FOCAD: variants seen among roughly 807,000 people sequenced by gnomAD.
The protein encoded by FOCAD is KIAA1797.
A neutral mutation model predicts 225.6 loss-of-function variants in FOCAD; 198 were observed. That is an observed-to-expected ratio of 0.88 (90% CI 0.78 to 0.99). The LOEUF is 0.99. Ranked by LOEUF, FOCAD falls within the 50% of genes least tolerant of loss-of-function variation. The pLI, the probability that FOCAD is intolerant of heterozygous loss-of-function variation, is 0.00. For missense variants in FOCAD, 2,713 were observed against 2,123.6 expected, an observed-to-expected ratio of 1.28 and a Z score of -5.46; for synonymous variants, 897 against 755.0, an observed-to-expected ratio of 1.19 and a Z score of -3.08.
At chr9:20,682,839 C>T (rs372541626), upstream of FOCAD, among the ~76,000 whole-genome samples, 12 of 152,266 alleles carry the variant, frequency 7.9e-5, no homozygotes, top group African/African-American at 2.6e-4. Flanking sequence ...GGCGCCACCT[C>T]GGCTCACTGC....
chr9:20,935,315 C>A (rs1835847061), intron 28 of FOCAD, among the ~76,000 whole-genome samples: 3 of 152,124 alleles, frequency 2.0e-5, no homozygotes, highest in African/African-American at 7.2e-5. Flanking sequence ...ATTACTAAGA[C>A]CTTAGTTTTG....
chr9:20,969,676 G>A (rs769804649), intron 35 of FOCAD, among the ~76,000 whole-genome samples: 1 of 128,940 alleles, frequency 7.8e-6, no homozygotes, highest in African/African-American at 3.0e-5. Flanking sequence ...TACATAGTAA[G>A]TGAAAAGGGG....
intron 35 of FOCAD, among the ~76,000 whole-genome samples, chr9:20,957,256 A>C (rs5023810): frequency 0.95 from 144,390 of 151,880 alleles, 69,092 homozygotes; most frequent in East Asian, 1. Flanking sequence ...TAGAGATGGA[A>C]ACAATGTTGC....
chr9:20,694,115 A>G (rs1563882466), intron 1 of FOCAD, among the ~76,000 whole-genome samples: 1 of 152,178 alleles, frequency 6.6e-6, no homozygotes, highest in Non-Finnish European at 1.5e-5. Context: ...AACTATATGC[A>G]ATACCTTTCT....
At chr9:20,680,113 C>A (rs1317025507), upstream of FOCAD, among the ~76,000 whole-genome samples, 1 of 152,196 alleles carries the variant, frequency 6.6e-6, no homozygotes, top group African/African-American at 2.4e-5. Context: ...AGGCTCCATT[C>A]TTTGCTTTCA....
chr9:20,885,859 A>G (rs892207490), intron 21 of FOCAD, among the ~76,000 whole-genome samples: 8 of 152,320 alleles, frequency 5.3e-5, no homozygotes, highest in Non-Finnish European at 1.2e-4. Context: ...ATTAAAATGT[A>G]TGAATGAATA....
At chr9:20,700,732 C>T (rs746790215) in intron 1 of FOCAD, among the ~76,000 whole-genome samples, 1 of 152,160 alleles carries the variant, frequency 6.6e-6, no homozygotes, top group Non-Finnish European at 1.5e-5. Context: ...ATATAGATTC[C>T]TCTCTATTTC....
intron 1 of FOCAD, among the ~76,000 whole-genome samples, chr9:20,703,429 G>C (rs545775567): frequency 5.3e-5 from 8 of 152,210 alleles, no homozygotes; most frequent in South Asian, 2.1e-4. Context: ...CCTTCCTATA[G>C]AGTTGCAGTG....
intron 11 of FOCAD, among the ~76,000 whole-genome samples, chr9:20,817,365 AC>A (rs1370725157): frequency 6.6e-6 from 1 of 151,892 alleles, no homozygotes; most frequent in Non-Finnish European, 1.5e-5. Context: ...TGCCTGTTTC[AC>A]CCTTCCTGAC....
intron 11 of FOCAD, among the ~76,000 whole-genome samples, chr9:20,801,541 T>C (rs1217045936): frequency 1.3e-5 from 2 of 152,306 alleles, no homozygotes; most frequent in Admixed American, 6.5e-5. Flanking sequence ...GCACTCATAA[T>C]GCATAGGGAA....
intron 35 of FOCAD, chr9:20,957,644 A>T (rs1404799708): frequency 7.7e-6 from 1 of 129,606 alleles, no homozygotes; most frequent in East Asian, 2.4e-4. Context: ...CCAAAGATAG[A>T]TAGATAGATA....
At chr9:20,906,163 A>G (rs944961210) in intron 21 of FOCAD, among the ~76,000 whole-genome samples, 4 of 152,106 alleles carry the variant, frequency 2.6e-5, no homozygotes, top group Non-Finnish European at 5.9e-5. Flanking sequence ...AACATACTAG[A>G]GGCCATGGGA....
chr9:20,853,688 A>G (rs974478371), intron 15 of FOCAD, among the ~76,000 whole-genome samples: 1 of 151,730 alleles, frequency 6.6e-6, no homozygotes, highest in Non-Finnish European at 1.5e-5. Context: ...TGTCATTTAG[A>G]TTATAAGTGA....
At position 20,716,070 on chromosome 9, in the gene FOCAD, T is replaced by C. The variant is rs112915556; in HGVS notation, c.57+660T>C. 1,798 of 443,344 alleles carry C rather than the reference T, an allele frequency of 4.1e-3. 17 individuals are homozygous for C. The highest frequency in any genetic ancestry group is 7.6e-3 in the Admixed American group (389 of 50,996). The allele number at this position is 443,344 out of a possible 1,614,324, so 27.5% of individuals were successfully genotyped here. A position where few individuals can be genotyped will look rare whatever the true frequency, so the allele number is the denominator to read the frequency against. On this transcript the variant is annotated intron_variant, in intron 2 of 43. Coordinates refer to ENST00000338382, the MANE Select transcript of FOCAD (RefSeq NM_001375567.1). ...ACAACATACAGCACCTTGGATACTT[T>C]CAACAATTAACTTCGGAGATGTCTG...
intron 18 of FOCAD, among the ~76,000 whole-genome samples, chr9:20,870,054 T>G (rs1216009308): frequency 6.6e-6 from 1 of 152,200 alleles, no homozygotes; most frequent in Admixed American, 6.5e-5. Flanking sequence ...AGAAGTTTCC[T>G]TGTTAAAAGA....
intron 35 of FOCAD, among the ~76,000 whole-genome samples, chr9:20,967,464 A>G (rs1244371647): frequency 6.6e-6 from 1 of 152,136 alleles, no homozygotes; most frequent in Non-Finnish European, 1.5e-5. Flanking sequence ...ATTTGCAAAT[A>G]TAGTTTTATG....
intron 2 of FOCAD, among the ~76,000 whole-genome samples, chr9:20,667,259 A>G (rs1010331231): frequency 4.6e-5 from 7 of 152,228 alleles, no homozygotes; most frequent in African/African-American, 1.7e-4. Flanking sequence ...TCACTACTCA[A>G]AATACTCTGA....
chr9:20,978,813 A>T (rs1489256208), intron 37 of FOCAD, among the ~76,000 whole-genome samples: 1 of 152,232 alleles, frequency 6.6e-6, no homozygotes, highest in Non-Finnish European at 1.5e-5. Context: ...AAGAGAAAGG[A>T]AATCCATATG....
intron 11 of FOCAD, among the ~76,000 whole-genome samples, chr9:20,795,228 C>T (rs968617939): frequency 6.6e-5 from 10 of 152,088 alleles, no homozygotes; most frequent in African/African-American, 1.9e-4. Context: ...TTATTAGTAA[C>T]AATCAGTCTT....
Sources: gnomAD v4.1 joint callset for allele counts (sites outside exome capture counted in the v4.1 genomes callset) on GRCh38, gnomAD v4.1.1 for gene constraint, MANE v1.5 for transcripts, NCBI Gene and HGNC (gene_info 2026-07-23, HGNC 2026-07-21) for gene names.